The following FSTL4 variants were observed in gnomAD, a reference collection of about 807,000 sequenced individuals.
The protein encoded by FSTL4 is follistatin-related protein 4.
Under a neutral mutation model 78.2 loss-of-function variants are expected in FSTL4, and 28 were observed. That is an observed-to-expected ratio of 0.36 (90% confidence interval 0.27 to 0.49). The LOEUF is 0.49. Among genes scored for constraint, FSTL4 ranks in the 20% least tolerant of loss-of-function variants. The pLI is 0.98. For missense variants in FSTL4, 922 were observed against 1,084.9 expected (o/e 0.85, Z 2.11); for synonymous variants, 422 against 440.5 (o/e 0.96, Z 0.53).
intron 8 of FSTL4, among the ~76,000 whole-genome samples, chr5:133,226,217 G>A (rs1339721975): frequency 6.6e-6 from 1 of 152,216 alleles, no homozygotes; most frequent in African/African-American, 2.4e-5. Flanking sequence ...ATTTCTTGCA[G>A]GAAATGTATC....
At chr5:133,820,003 T>C in the FSTL4 span, among the ~76,000 whole-genome samples, 1 of 152,172 alleles carries the variant, frequency 6.6e-6, no homozygotes, top group African/African-American at 2.4e-5. Context: ...GTCACACAAC[T>C]ATAGAAAACG....
chr5:133,566,681 G>T (rs1470917998), intron 3 of FSTL4, among the ~76,000 whole-genome samples: 1 of 152,184 alleles, frequency 6.6e-6, no homozygotes, highest in African/African-American at 2.4e-5. Context: ...AGGAACTCTG[G>T]CAGGGGAAAC....
At chr5:133,719,862 A>G in the FSTL4 span, among the ~76,000 whole-genome samples, 1 of 152,130 alleles carries the variant, frequency 6.6e-6, no homozygotes, top group Non-Finnish European at 1.5e-5. Context: ...AGTATTCATG[A>G]GCTTTGGAAA....
chr5:133,405,070 G>T (rs1233669762), intron 3 of FSTL4, among the ~76,000 whole-genome samples: 9 of 152,140 alleles, frequency 5.9e-5, no homozygotes, highest in Non-Finnish European at 1.5e-5. Flanking sequence ...GACTATTGAT[G>T]ACAGCCCTGT....
the FSTL4 span, among the ~76,000 whole-genome samples, chr5:133,631,525 T>C: frequency 4.2e-4 from 64 of 152,256 alleles, no homozygotes; most frequent in African/African-American, 1.5e-3. Flanking sequence ...TGTGGAGAAA[T>C]AGGAACACTT....
chr5:133,259,574 G>A (rs542791566), intron 6 of FSTL4, among the ~76,000 whole-genome samples: 15 of 149,266 alleles, frequency 1.0e-4, no homozygotes, highest in African/African-American at 3.7e-4. Flanking sequence ...GCTGGAGTGC[G>A]CGGCACGATC....
At chr5:133,705,510 C>T in the FSTL4 span, among the ~76,000 whole-genome samples, 40 of 152,300 alleles carry the variant, frequency 2.6e-4, no homozygotes, top group Non-Finnish European at 4.7e-4. Flanking sequence ...TTCCTGCTCA[C>T]CTCTTGGCTC....
intron 3 of FSTL4, among the ~76,000 whole-genome samples, chr5:133,408,370 C>A (rs1756407710): frequency 6.6e-6 from 1 of 152,138 alleles, no homozygotes; most frequent in South Asian, 2.1e-4. Flanking sequence ...CCTTCAGAGC[C>A]CCCAGCCTCA....
At chr5:133,495,021 T>C (rs1758341922) in intron 3 of FSTL4, among the ~76,000 whole-genome samples, 1 of 152,208 alleles carries the variant, frequency 6.6e-6, no homozygotes, top group African/African-American at 2.4e-5. Context: ...CATATCCATG[T>C]TGAATCAACA....
chr5:133,806,101 C>T, the FSTL4 span, among the ~76,000 whole-genome samples: 6 of 152,068 alleles, frequency 3.9e-5, no homozygotes, highest in South Asian at 1.2e-3. Flanking sequence ...ATCTCTGGCC[C>T]GCAAAACAAA....
intron 3 of FSTL4, among the ~76,000 whole-genome samples, chr5:133,548,260 G>A (rs904961706): frequency 1.3e-5 from 2 of 152,198 alleles, no homozygotes; most frequent in East Asian, 3.8e-4. Context: ...AGAATTTATA[G>A]TCAGTAGGTC....
intron 7 of FSTL4, chr5:133,246,573 T>G (rs1422987496): frequency 6.6e-6 from 1 of 152,218 alleles, no homozygotes; most frequent in East Asian, 1.9e-4. Flanking sequence ...CTGCTCTGGA[T>G]TTGCTGGAGG....
chr5:133,221,066 G>T (rs993200246), intron 11 of FSTL4, 200 bp from the exon 12 acceptor site: 17 of 671,852 alleles, frequency 2.5e-5, no homozygotes, highest in Non-Finnish European at 4.6e-5. Context: ...CCAGGACTAT[G>T]AATCAGTAAA....
At chr5:133,306,538 C>T (rs1753662005) in intron 6 of FSTL4, among the ~76,000 whole-genome samples, 1 of 152,180 alleles carries the variant, frequency 6.6e-6, no homozygotes, top group Non-Finnish European at 1.5e-5. Context: ...TTAGGGATGT[C>T]CAGGCTGGGG....
intron 6 of FSTL4, among the ~76,000 whole-genome samples, chr5:133,254,960 C>A (rs1212133287): frequency 6.6e-6 from 1 of 152,202 alleles, no homozygotes; most frequent in Non-Finnish European, 1.5e-5. Flanking sequence ...TGGTGGGGAG[C>A]CAGGCCACAT....
chr5:133,615,225 C>A (rs1194031197), upstream of FSTL4, among the ~76,000 whole-genome samples: 1 of 152,202 alleles, frequency 6.6e-6, no homozygotes, highest in African/African-American at 2.4e-5. Context: ...CCATTAGAAG[C>A]CAGACTGGGA....
At chr5:133,470,767 A>C (rs1757807157) in intron 3 of FSTL4, among the ~76,000 whole-genome samples, 1 of 137,780 alleles carries the variant, frequency 7.3e-6, no homozygotes, top group Admixed American at 7.5e-5. Flanking sequence ...AAAATAAAAT[A>C]AAATAAAATA....
intron 6 of FSTL4, chr5:133,266,668 G>A (rs1039406739): frequency 6.6e-6 from 1 of 152,304 alleles, no homozygotes; most frequent in Non-Finnish European, 1.5e-5. Context: ...AGGAGTGGGG[G>A]AGTCTGTGGC....
chr5:133,389,162 TC>T (rs1561697347), intron 4 of FSTL4, among the ~76,000 whole-genome samples: 1 of 152,198 alleles, frequency 6.6e-6, no homozygotes, highest in African/African-American at 2.4e-5. Flanking sequence ...TAATAATTTT[TC>T]CCCAAAGCAT....
Sources: allele counts gnomAD v4.1 joint callset (sites outside exome capture counted in the v4.1 genomes callset), GRCh38; gene constraint gnomAD v4.1.1; transcripts MANE v1.5; gene names NCBI Gene and HGNC (gene_info 2026-07-23, HGNC 2026-07-21).